Variants in NIPSNAP2 observed in about 807,000 individuals in gnomAD.
The protein encoded by NIPSNAP2 is nipsnap homolog 2.
In NIPSNAP2, 42 loss-of-function variants were observed where a neutral mutation model predicts 48.4. The observed-to-expected ratio is 0.87, with a 90% CI of 0.68 to 1.12. The LOEUF (loss-of-function observed/expected upper bound fraction) is 1.12. NIPSNAP2 is among the 50% of genes most tolerant of loss of function. The pLI is 0.00. For synonymous variants in NIPSNAP2, 158 were observed against 126.6 expected, an observed-to-expected ratio of 1.25 and a Z score of -1.67; for missense variants, 314 against 347.3, an observed-to-expected ratio of 0.90 and a Z score of 0.76.
At chr7:55,973,662 TTAG>T (rs1787055351) in intron 1 of NIPSNAP2, among the ~76,000 whole-genome samples, 1 of 150,232 alleles carries the variant, frequency 6.7e-6, no homozygotes, top group Admixed American at 6.7e-5. Context: ...TTTTGTAGTG[TTAG>T]TAGAGACAAG....
At position 55,984,838 on chromosome 7, in the gene NIPSNAP2, T is replaced by A. The variant is rs751337743; in HGVS notation, c.586-9T>A. 1 of 1,607,664 alleles carries A rather than the reference T, an allele frequency of 6.2e-7. No homozygotes were observed. The highest frequency in any genetic ancestry group is 8.5e-7 in the Non-Finnish European group (1 of 1,177,154). On this transcript the variant is annotated splice_polypyrimidine_tract_variant and intron_variant, in intron 6 of 9. Transcript: ENST00000322090. ...AGAACTAACAAACCAAATCTAAATC[T>A]GTTTTCAGCCAGGAACCATGATTGA...
intron 7 of NIPSNAP2, among the ~76,000 whole-genome samples, chr7:55,992,459 C>T (rs562988321): frequency 5.0e-4 from 76 of 152,260 alleles, no homozygotes; most frequent in African/African-American, 1.2e-3. Flanking sequence ...CACTGTACTC[C>T]GGCCTGGGTG....
intron 3 of NIPSNAP2, 43 bp from the exon 4 acceptor site, chr7:55,981,430 T>A: frequency 6.7e-7 from 1 of 1,484,808 alleles, no homozygotes; most frequent in Non-Finnish European, 9.4e-7. Flanking sequence ...CTGGTCAAAT[T>A]TTGCTGGTTG....
At chr7:55,974,080 C>T (rs760682635) in intron 1 of NIPSNAP2, among the ~76,000 whole-genome samples, 1 of 151,762 alleles carries the variant, frequency 6.6e-6, no homozygotes, top group Admixed American at 6.6e-5. Context: ...CAAAGATTAG[C>T]CGGATGTGGT....
chr7:55,991,907 C>T (rs1445850614), intron 7 of NIPSNAP2: 1 of 216,326 alleles, frequency 4.6e-6, no homozygotes, highest in East Asian at 1.5e-4. Flanking sequence ...TGTTTGCCTA[C>T]CATAACTAAA....
In NIPSNAP2 at chr7:55,981,483, T is replaced by A. The variant is rs1358452588; in HGVS notation, c.289T>A (p.Leu97Met). 6.2e-7 allele frequency: 1 copy of A among 1,613,516 alleles called. No homozygotes were observed. The highest frequency in any genetic ancestry group is 8.5e-7 in the Non-Finnish European group (1 of 1,179,622). ...TTTCTTCTCTTTAAGTCAAGAGGTG[T>A]TGCCAAAGATTCACGAAGATAAACA... ...EAYNKICQEV[L>M]PKIHEDKHYP... Residue 97 changes from leucine (L) to methionine (M), a missense_variant, in exon 4 of 10, where the codon TTG (leucine) becomes ATG (methionine). Transcript: ENST00000322090.
At chr7:55,969,684 A>G (rs1786973277) in intron 1 of NIPSNAP2, among the ~76,000 whole-genome samples, 1 of 152,146 alleles carries the variant, frequency 6.6e-6, no homozygotes, top group Non-Finnish European at 1.5e-5. Flanking sequence ...CACAGTCTGT[A>G]AATAACAGTG....
chr7:55,971,995 A>G (rs1258046684), intron 1 of NIPSNAP2, among the ~76,000 whole-genome samples: 3 of 152,146 alleles, frequency 2.0e-5, no homozygotes, highest in African/African-American at 7.2e-5. Flanking sequence ...TGTTTAATGA[A>G]CTTAAAATCT....
intron 7 of NIPSNAP2, among the ~76,000 whole-genome samples, chr7:55,988,323 C>T (rs1193456837): frequency 1.3e-5 from 2 of 151,988 alleles, no homozygotes; most frequent in African/African-American, 4.8e-5. Flanking sequence ...AATAGGATTT[C>T]ACCAAAGAAA....
chr7:55,998,905 A>G (rs1787623837), intron 9 of NIPSNAP2, 103 bp from the exon 10 acceptor site: 2 of 965,360 alleles, frequency 2.1e-6, no homozygotes, highest in African/African-American at 1.6e-5. Context: ...TCTTGTTTTC[A>G]AGCAGCACAT....
At chr7:55,994,534 G>T (rs1787518809) in intron 7 of NIPSNAP2, among the ~76,000 whole-genome samples, 1 of 152,200 alleles carries the variant, frequency 6.6e-6, no homozygotes, top group Non-Finnish European at 1.5e-5. Flanking sequence ...CCAACATAGG[G>T]AAATCTTGTC....
chr7:55,981,458 T>C lies in NIPSNAP2; in HGVS notation c.279-15T>C. ...GCTGGTTGTTTAATTAGTGTTGCTG[T>C]TTCTTCTCTTTAAGTCAAGAGGTGT... is the stretch of plus-strand genomic sequence containing the variant. On this transcript the variant is annotated splice_polypyrimidine_tract_variant and intron_variant, in intron 3 of 9. Transcript: ENST00000322090. The C allele has an allele frequency of 6.2e-7, 1 of 1,604,384 alleles. No individual in the cohort carries two copies.
chr7:55,978,482 G>GGGATGAA, intron 3 of NIPSNAP2, 87 bp downstream of exon 3: 1 of 1,149,266 alleles, frequency 8.7e-7, no homozygotes, highest in Non-Finnish European at 1.2e-6. Flanking sequence ...AGCATAGAGA[G>GGGATGAA]AGATCTTTCA....
intron 7 of NIPSNAP2, among the ~76,000 whole-genome samples, chr7:55,994,421 A>G (rs1416986855): frequency 6.6e-6 from 1 of 152,234 alleles, no homozygotes; most frequent in Admixed American, 6.5e-5. Flanking sequence ...ATACATTAAA[A>G]TGACTTTTAG....
intron 7 of NIPSNAP2, among the ~76,000 whole-genome samples, chr7:55,988,868 A>G (rs553801815): frequency 6.6e-6 from 1 of 152,234 alleles, no homozygotes; most frequent in East Asian, 1.9e-4. Flanking sequence ...CCATCTCAAA[A>G]AAAAGAAAAA....
intron 7 of NIPSNAP2, among the ~76,000 whole-genome samples, chr7:55,987,770 CAG>C (rs1787361894): frequency 6.6e-6 from 1 of 152,048 alleles, no homozygotes; most frequent in Non-Finnish European, 1.5e-5. Flanking sequence ...ATCATAGAAA[CAG>C]AAAGTGGAAA....
At chr7:55,995,577 G>C (rs1347859463) in intron 8 of NIPSNAP2, among the ~76,000 whole-genome samples, 3 of 152,208 alleles carry the variant, frequency 2.0e-5, no homozygotes, top group Non-Finnish European at 2.9e-5. Context: ...CGTTGCGGCT[G>C]TATATGGTGT....
intron 7 of NIPSNAP2, among the ~76,000 whole-genome samples, chr7:55,985,449 G>A (rs914083246): frequency 6.6e-6 from 1 of 151,822 alleles, no homozygotes; most frequent in Non-Finnish European, 1.5e-5. Context: ...AAGTGCAAAA[G>A]ACTAGCCAGG....
Position 55,964,590 on chromosome 7 carries a change from G to A in NIPSNAP2, c.-20G>A. 1.0e-6 allele frequency: 1 copy of A among 994,584 alleles called. No individual in the cohort carries two copies. Among genetic ancestry groups the A allele is most frequent in the South Asian group, 4.6e-5 (1 of 21,938 alleles). The allele number at this position is 994,584 out of a possible 1,614,324, so 61.6% of individuals were successfully genotyped here. A position where few individuals can be genotyped will look rare whatever the true frequency, so the allele number is the denominator to read the frequency against. On this transcript the variant is annotated 5_prime_UTR_variant, in exon 1 of 10. Transcript: ENST00000322090. ...GTCAGCGGCGGCGCCCGGGCGGTGG[G>A]AGCCGAGGCGCCGAGCAAGATGGCG... is the stretch of plus-strand genomic sequence containing the variant.
Sources: allele counts gnomAD v4.1 joint callset (sites outside exome capture counted in the v4.1 genomes callset), GRCh38; gene constraint gnomAD v4.1.1; transcripts MANE v1.5; gene names NCBI Gene and HGNC (gene_info 2026-07-23, HGNC 2026-07-21).